Variants in TMEM184C observed in about 807,000 individuals in gnomAD.
TMEM184C encodes transmembrane protein 34.
A neutral mutation model predicts 54.5 loss-of-function variants in TMEM184C; 25 were observed. That is an observed-to-expected ratio of 0.46 (90% CI 0.33 to 0.64). The LOEUF (loss-of-function observed/expected upper bound fraction) is 0.64. TMEM184C is among the 30% of genes least tolerant of loss of function. The probability of loss-of-function intolerance (pLI) is 0.02; values close to 1 mark genes in which losing one functional copy is unlikely to be tolerated. For missense variants in TMEM184C, 335 were observed against 520.3 expected (o/e 0.64, Z 3.46); for synonymous variants, 148 against 181.5 (o/e 0.82, Z 1.49).
At chr4:147,621,188 A>G (rs1732701921) in intron 1 of TMEM184C, among the ~76,000 whole-genome samples, 1 of 151,942 alleles carries the variant, frequency 6.6e-6, no homozygotes, top group Admixed American at 6.6e-5. Flanking sequence ...TTTTAACCTC[A>G]GCACATTTAC....
intron 1 of TMEM184C, among the ~76,000 whole-genome samples, chr4:147,623,515 C>T (rs1459092557): frequency 6.6e-6 from 1 of 151,090 alleles, no homozygotes; most frequent in Non-Finnish European, 1.5e-5. Flanking sequence ...AACTGCTCAA[C>T]CCTTCAAGCA....
Position 147,634,111 on chromosome 4 carries a change from A to T in TMEM184C, c.1052-58A>T, listed in dbSNP as rs974385613. 27 of 1,558,400 alleles carry T rather than the reference A, an allele frequency of 1.7e-5. 1 individual carries two copies. The South Asian group carries it at 3.1e-4, about 18-fold the overall frequency. Reference sequence around the variant, plus strand: ...GGGAAGTGGGGAGCTTATTTTTAGAATGGTAAGTTTATAATGGTAAAAATA... The same window carrying T: ...GGGAAGTGGGGAGCTTATTTTTAGATTGGTAAGTTTATAATGGTAAAAATA... On this transcript the variant is annotated intron_variant, in intron 9 of 9. Transcript: ENST00000296582.
intron 1 of TMEM184C, among the ~76,000 whole-genome samples, chr4:147,621,871 T>G (rs1259712273): frequency 6.6e-6 from 1 of 152,204 alleles, no homozygotes; most frequent in East Asian, 1.9e-4. Flanking sequence ...ACACTTGACC[T>G]TCATTAGTCA....
At chr4:147,633,128 AG>A in intron 8 of TMEM184C, 126 bp downstream of exon 8, 1 of 704,836 alleles carries the variant, frequency 1.4e-6, no homozygotes, top group Non-Finnish European at 2.3e-6. Context: ...GTGAGAAAAC[AG>A]GGGAACCCTA....
At chr4:147,632,459 G>A (rs1015221129) in intron 7 of TMEM184C, 1 of 154,174 alleles carries the variant, frequency 6.5e-6, no homozygotes, top group African/African-American at 2.4e-5. Context: ...GTTTTGTGGA[G>A]GGGGTGATTT....
At chr4:147,627,156 G>A (rs1464590935) in intron 4 of TMEM184C, among the ~76,000 whole-genome samples, 2 of 152,196 alleles carry the variant, frequency 1.3e-5, no homozygotes, top group Non-Finnish European at 2.9e-5. Flanking sequence ...CAAGGACAAG[G>A]CCCAAGGATG....
Position 147,632,966 on chromosome 4 carries a change from A to C in TMEM184C, c.843A>C (p.Glu281Asp). The change falls in exon 8 of 10, where the codon GAA (glutamate) becomes GAC (aspartate). Residue 281 changes from glutamate to aspartate, a missense_variant. Glu to Asp is a conservative substitution (Grantham distance 45). Transcript: ENST00000296582. The part of the protein sequence containing the change: ...VGVISEKHTW[E>D]WQTVEAVATG... ...TTATTTCTGAAAAGCATACGTGGGA[A>C]TGGCAAACTGTAGAAGCTGTGGCCA... is the stretch of plus-strand genomic sequence containing the variant. 1 of 1,614,084 alleles carries C rather than the reference A, an allele frequency of 6.2e-7. No homozygotes were observed. Among genetic ancestry groups the C allele is most frequent in the Non-Finnish European group, 8.5e-7 (1 of 1,179,978 alleles).
At chr4:147,619,237 G>A (rs1732659511) in intron 1 of TMEM184C, among the ~76,000 whole-genome samples, 1 of 150,796 alleles carries the variant, frequency 6.6e-6, no homozygotes, top group South Asian at 2.1e-4. Flanking sequence ...TAGCTCTGTC[G>A]CCCTGGCTGG....
intron 4 of TMEM184C, among the ~76,000 whole-genome samples, chr4:147,627,402 T>G (rs2126551315): frequency 6.6e-6 from 1 of 152,306 alleles, no homozygotes; most frequent in South Asian, 2.1e-4. Flanking sequence ...GCAATTCTCA[T>G]GCCTCAGCCT....
chr4:147,624,750 G>A lies in TMEM184C; in HGVS notation c.292-54G>A, dbSNP rs895061087. 2.6e-6 allele frequency: 4 copies of A among 1,543,330 alleles called. No individual in the cohort carries two copies. The African/African-American group carries it at 5.5e-5, about 21-fold the overall frequency. On this transcript the variant is annotated intron_variant, in intron 3 of 9. Transcript: ENST00000296582. ...TATTGTGAGTACCATGAATGGAGTG[G>A]TGATTCATTTTATCTTAGCTGCAAC...
intron 1 of TMEM184C, among the ~76,000 whole-genome samples, chr4:147,619,256 G>A (rs1462524105): frequency 1.3e-5 from 2 of 151,778 alleles, no homozygotes; most frequent in South Asian, 4.2e-4. Flanking sequence ...GGAGTGCAGT[G>A]GCGCGATCTT....
intron 4 of TMEM184C, among the ~76,000 whole-genome samples, chr4:147,627,847 C>T (rs1732843239): frequency 1.4e-5 from 2 of 145,346 alleles, no homozygotes; most frequent in South Asian, 4.4e-4. Flanking sequence ...GCCTGGGCAA[C>T]ATAGTGAGAC....
At position 147,623,917 on chromosome 4, in the gene TMEM184C, A is replaced by T; in HGVS notation, c.207A>T (p.Gln69His). 6.2e-7 allele frequency: 1 copy of T among 1,613,954 alleles called. No individual in the cohort carries two copies. The highest frequency in any genetic ancestry group is 8.5e-7 in the Non-Finnish European group (1 of 1,179,850). The change falls in exon 2 of 10, where the codon CAA (glutamine) becomes CAT (histidine). Residue 69 changes from glutamine to histidine, a missense_variant. Physicochemically the swap from Gln to His is conservative, Grantham distance 24. Transcript: ENST00000296582. The part of the protein sequence containing the change: ...TIPISLWVIL[Q>H]HLVHYTQPEL... Reference sequence around the variant, plus strand: ...CTATATCACTGTGGGTGATATTGCAACACTTAGTGCATTATACACAACCTG... The same window carrying T: ...CTATATCACTGTGGGTGATATTGCATCACTTAGTGCATTATACACAACCTG...
At chr4:147,620,900 GAT>G (rs1044387262) in intron 1 of TMEM184C, among the ~76,000 whole-genome samples, 5 of 152,214 alleles carry the variant, frequency 3.3e-5, no homozygotes, top group African/African-American at 1.2e-4. Flanking sequence ...TGCTCAGAAA[GAT>G]ATGAGCTGCA....
intron 4 of TMEM184C, among the ~76,000 whole-genome samples, chr4:147,625,563 G>A (rs1459882525): frequency 6.6e-6 from 1 of 152,204 alleles, no homozygotes; most frequent in African/African-American, 2.4e-5. Context: ...TTTGGAAACA[G>A]TGTTTTAGAA....
chr4:147,622,658 A>G (rs1014719715), intron 1 of TMEM184C, among the ~76,000 whole-genome samples: 2 of 152,230 alleles, frequency 1.3e-5, no homozygotes, highest in Non-Finnish European at 2.9e-5. Context: ...GCCCTGTAAT[A>G]TGAGTGCTCA....
In TMEM184C at chr4:147,628,365, T is replaced by C; in HGVS notation, c.502T>C (p.Leu168=). The C allele has an allele frequency of 1.9e-6, 3 of 1,611,438 alleles. No individual in the cohort carries two copies. Among genetic ancestry groups the C allele is most frequent in the South Asian group, 2.2e-5 (2 of 90,100 alleles). ...TAAGTTCTTTTTCTTTTGCAGAGTA[T>C]TGCTGTTTAGGTGCAAACTAGGTGT... ...CCPPWAMGEV[L]LFRCKLGVLQ... Residue 168 remains leucine, a synonymous_variant, in exon 5 of 10, where the codon TTG becomes CTG. Transcript: ENST00000296582.
At chr4:147,624,363 T>C (rs949841577) in intron 3 of TMEM184C, among the ~76,000 whole-genome samples, 1 of 150,102 alleles carries the variant, frequency 6.7e-6, no homozygotes, top group Admixed American at 6.6e-5. Flanking sequence ...ATTAATATAC[T>C]ACTCTTTTTA....
chr4:147,623,608 A>C (rs1732755858), intron 1 of TMEM184C, among the ~76,000 whole-genome samples: 1 of 149,610 alleles, frequency 6.7e-6, no homozygotes, highest in Non-Finnish European at 1.5e-5. Context: ...TTAATATAAA[A>C]GTCCCCCCTC....
Sources: gnomAD v4.1 joint callset for allele counts (sites outside exome capture counted in the v4.1 genomes callset) on GRCh38, gnomAD v4.1.1 for gene constraint, MANE v1.5 for transcripts, NCBI Gene and HGNC (gene_info 2026-07-23, HGNC 2026-07-21) for gene names.